PHB1: variants seen among roughly 807,000 people sequenced by gnomAD.
PHB1 encodes the protein prohibitin 1.
At chr17:49,409,521 G>A in the PHB1 span, 1 of 1,431,986 alleles carries the variant, frequency 7.0e-7, no homozygotes. Flanking sequence ...AACCACTGTA[G>A]GAAAACAAGT....
the PHB1 span, chr17:49,407,020 G>A: frequency 1.6e-6 from 1 of 634,388 alleles, no homozygotes; most frequent in Non-Finnish European, 2.9e-6. Flanking sequence ...TCCAAACTGA[G>A]TTTACACCCA....
At chr17:49,409,255 C>T in the PHB1 span, 1 of 1,599,128 alleles carries the variant, frequency 6.3e-7, no homozygotes, top group Non-Finnish European at 8.6e-7. Context: ...CAACCCACTG[C>T]CAAGCGCTTC....
chr17:49,409,463 A>G, the PHB1 span: 1 of 1,577,088 alleles, frequency 6.3e-7, no homozygotes, highest in Non-Finnish European at 8.6e-7. Flanking sequence ...TGATGTTGAC[A>G]TTCTGTAAAT....
the PHB1 span, chr17:49,406,961 G>C: frequency 6.5e-6 from 5 of 768,316 alleles, no homozygotes; most frequent in African/African-American, 3.4e-5. Context: ...GGCTCTAGCA[G>C]CTGGAGGCAT....
the PHB1 span, chr17:49,404,733 C>T: frequency 1.9e-6 from 1 of 514,620 alleles, no homozygotes; most frequent in East Asian, 3.6e-5. Context: ...GAATTGGGAC[C>T]TAAAGCTGGT....
the PHB1 span, among the ~76,000 whole-genome samples, chr17:49,407,889 G>C: frequency 6.6e-6 from 1 of 152,152 alleles, no homozygotes; most frequent in Non-Finnish European, 1.5e-5. Context: ...CCTGAGACAT[G>C]AAAAATGAAA....
chr17:49,408,901 C>T, the PHB1 span: 2 of 657,804 alleles, frequency 3.0e-6, no homozygotes, highest in Non-Finnish European at 5.5e-6. Context: ...ACTGCCTCAC[C>T]TCAGCATGTT....
At chr17:49,409,316 C>A in the PHB1 span, 7 of 1,614,002 alleles carry the variant, frequency 4.3e-6, no homozygotes, top group South Asian at 7.7e-5. Context: ...AGGCTAAAGG[C>A]CCCTGTTCAC....
chr17:49,410,974 C>A, the PHB1 span, among the ~76,000 whole-genome samples: 1 of 152,194 alleles, frequency 6.6e-6, no homozygotes, highest in Non-Finnish European at 1.5e-5. Flanking sequence ...GGAGCCAAAG[C>A]ACTGTCACGG....
At chr17:49,406,649 C>G in the PHB1 span, 2 of 798,166 alleles carry the variant, frequency 2.5e-6, no homozygotes, top group African/African-American at 3.4e-5. Context: ...TCTGATTATC[C>G]CGGAAGAAGG....
chr17:49,413,344 A>C, the PHB1 span: 7 of 973,946 alleles, frequency 7.2e-6, no homozygotes, highest in Non-Finnish European at 1.1e-5. Flanking sequence ...TCCTCAGAGA[A>C]GGCCCTCTCT....
At chr17:49,406,896 C>A in the PHB1 span, 14 of 1,406,004 alleles carry the variant, frequency 1.0e-5, no homozygotes, top group South Asian at 1.4e-4. Flanking sequence ...AGTGTGATTG[C>A]TTCGACAGCA....
chr17:49,409,273 C>T, the PHB1 span: 1 of 1,605,370 alleles, frequency 6.2e-7, no homozygotes, highest in Non-Finnish European at 8.5e-7. Flanking sequence ...TTCCTGCCAC[C>T]TGGCACCCTC....
the PHB1 span, among the ~76,000 whole-genome samples, chr17:49,406,391 C>T: frequency 1.3e-5 from 2 of 152,250 alleles, no homozygotes; most frequent in Non-Finnish European, 2.9e-5. Context: ...GACGAAAGCA[C>T]ATCTGGTGCA....
At chr17:49,408,921 T>C in the PHB1 span, 5 of 692,178 alleles carry the variant, frequency 7.2e-6, no homozygotes, top group Non-Finnish European at 1.3e-5. Flanking sequence ...TTCCGTGTTT[T>C]CAAGTCTCAC....
At chr17:49,409,960 C>T in the PHB1 span, among the ~76,000 whole-genome samples, 5 of 152,120 alleles carry the variant, frequency 3.3e-5, no homozygotes, top group African/African-American at 7.2e-5. Context: ...TCACTGTAGC[C>T]GCTTTGACCT....
chr17:49,408,227 C>T, the PHB1 span, among the ~76,000 whole-genome samples: 1 of 152,200 alleles, frequency 6.6e-6, no homozygotes, highest in Non-Finnish European at 1.5e-5. Context: ...GGAGCAGTGC[C>T]CAGGGGTTAG....
the PHB1 span, chr17:49,409,544 T>TG: frequency 1.1e-4 from 40 of 359,360 alleles, no homozygotes; most frequent in African/African-American, 1.3e-3. Flanking sequence ...TTTTTTTTTG[T>TG]TTTTTTTTTT....
At chr17:49,411,926 T>G in the PHB1 span, 12 of 1,245,116 alleles carry the variant, frequency 9.6e-6, no homozygotes, top group East Asian at 2.9e-4. Flanking sequence ...CCTGGTGCTT[T>G]CTGTTCACTT....
Sources: allele counts gnomAD v4.1 joint callset (sites outside exome capture counted in the v4.1 genomes callset), GRCh38; gene constraint gnomAD v4.1.1; transcripts MANE v1.5; gene names NCBI Gene and HGNC (gene_info 2026-07-23, HGNC 2026-07-21).